Variants in WASHC2A observed in about 807,000 individuals in gnomAD.
The protein encoded by WASHC2A is WASH complex subunit 2A.
In WASHC2A, 82 loss-of-function variants were observed where a neutral mutation model predicts 140.3. The observed-to-expected ratio is 0.58, with a 90% CI of 0.49 to 0.70. The LOEUF (loss-of-function observed/expected upper bound fraction) is 0.70, where lower values mean the gene tolerates loss of function less well. WASHC2A is among the 30% of genes least tolerant of loss of function. The probability of loss-of-function intolerance (pLI) is 0.00; values close to 1 mark genes in which losing one functional copy is unlikely to be tolerated. For synonymous variants in WASHC2A, 340 were observed against 560.8 expected, an observed-to-expected ratio of 0.61 and a Z score of 5.56; for missense variants, 985 against 1,521.8, an observed-to-expected ratio of 0.65 and a Z score of 5.87.
At chr10:50,127,822 C>G (rs1322646417) in intron 28 of WASHC2A, 27 bp downstream of exon 28, 16 of 1,111,586 alleles carry the variant, frequency 1.4e-5, no homozygotes, top group Non-Finnish European at 2.1e-5. Context: ...TGCTTCCTTG[C>G]TCTCTTCTTT....
chr10:50,090,270 G>C (rs1448970525), intron 8 of WASHC2A, among the ~76,000 whole-genome samples: 1 of 149,716 alleles, frequency 6.7e-6, no homozygotes. Flanking sequence ...GGGAGGCTGA[G>C]GCGGGTGGAT....
chr10:50,109,238 G>A (rs1842055752), intron 19 of WASHC2A, among the ~76,000 whole-genome samples: 1 of 152,206 alleles, frequency 6.6e-6, no homozygotes, highest in South Asian at 2.1e-4. Flanking sequence ...GGAGTTCTTT[G>A]ATTTGAAGGG....
At position 50,095,713 on chromosome 10, in the gene WASHC2A, A is replaced by G. The variant is rs782137535; in HGVS notation, c.1355A>G (p.Asp452Gly). 2 of 1,601,204 alleles carry G rather than the reference A, an allele frequency of 1.2e-6. No homozygotes were observed. The highest frequency in any genetic ancestry group is 8.5e-7 in the Non-Finnish European group (1 of 1,173,114). ...GGTCCCCCTCCCACTGGCCTCTTTG[A>G]TGATGATGATGGTGATGATGATGAC... ...PYGPPPTGLF[D>G]DDDGDDDDDF... The change falls in exon 15 of 31, where the codon GAT (aspartate) becomes GGT (glycine). Residue 452 changes from aspartate (D) to glycine (G), a missense_variant. By Grantham distance (94) the Asp-to-Gly change is moderately conservative (BLOSUM62 -1). Transcript: ENST00000282633.
At chr10:50,101,586 G>A (rs1841183624) in intron 17 of WASHC2A, among the ~76,000 whole-genome samples, 1 of 152,260 alleles carries the variant, frequency 6.6e-6, no homozygotes, top group Non-Finnish European at 1.5e-5. Context: ...ACCAGTGCTT[G>A]GCATGTTGTA....
At chr10:50,100,209 G>A in intron 17 of WASHC2A, 145 bp downstream of exon 17, 1 of 1,474,880 alleles carries the variant, frequency 6.8e-7, no homozygotes, top group South Asian at 1.3e-5. Context: ...GAGGCCAGGA[G>A]TAGTGGTTCA....
chr10:50,070,063 G>C (rs190697191), intron 3 of WASHC2A, among the ~76,000 whole-genome samples: 3 of 152,250 alleles, frequency 2.0e-5, no homozygotes, highest in Admixed American at 2.0e-4. Flanking sequence ...CTGGACACCA[G>C]CATATGGTTT....
intron 16 of WASHC2A, among the ~76,000 whole-genome samples, chr10:50,098,337 G>T (rs1840704062): frequency 6.6e-6 from 1 of 151,776 alleles, no homozygotes; most frequent in South Asian, 2.1e-4. Flanking sequence ...TTCCTCTCTT[G>T]TCCCCAAAAT....
rs558568343 is a variant in WASHC2A at position 50,106,364 on chromosome 10, A to G, written c.1768A>G (p.Lys590Glu). The G allele has an allele frequency of 1.2e-6, 2 of 1,611,926 alleles. No individual in the cohort carries two copies. Among genetic ancestry groups the G allele is most frequent in the South Asian group, 2.2e-5 (2 of 90,984 alleles). ...DNLFGGTAAK[K>E]QTLCLQAQRE... ...TCTTTTTGGGGGTACAGCTGCTAAG[A>G]AGCAGACATTGTGTCTACAAGCTCA... Residue 590 changes from lysine to glutamate, a missense_variant, in exon 19 of 31, where the codon AAG (lysine) becomes GAG (glutamate). Transcript: ENST00000282633.
Position 50,133,316 on chromosome 10 carries a change from C to T in WASHC2A, c.*371C>T, listed in dbSNP as rs1241112903. ...GAAGTCTTTGTTATATGGATGGGAA[C>T]CCTAACTTAGGGCCTGGGCAGGGGA... On this transcript the variant is annotated 3_prime_UTR_variant, in exon 31 of 31. Transcript: ENST00000282633. The T allele has an allele frequency of 5.9e-6, 3 of 510,948 alleles. No homozygotes were observed. Among genetic ancestry groups the T allele is most frequent in the African/African-American group, 5.8e-5 (3 of 51,686 alleles). 31.7% of individuals were successfully genotyped at this position (510,948 alleles called of 1,614,324 possible).
chr10:50,103,367 G>A (rs1589231732), intron 17 of WASHC2A, among the ~76,000 whole-genome samples: 4 of 151,836 alleles, frequency 2.6e-5, no homozygotes, highest in African/African-American at 9.7e-5. Flanking sequence ...AGACCATCCT[G>A]GCTAACATGG....
At chr10:50,120,379 T>TA (rs1414763872) in intron 23 of WASHC2A, among the ~76,000 whole-genome samples, 5 of 145,832 alleles carry the variant, frequency 3.4e-5, no homozygotes, top group Non-Finnish European at 7.4e-5. Flanking sequence ...CCCAGCACTT[T>TA]AGGAGGCCAA....
intron 3 of WASHC2A, chr10:50,078,084 G>A (rs1589154712): frequency 1.5e-6 from 1 of 672,772 alleles, no homozygotes; most frequent in East Asian, 2.8e-5. Flanking sequence ...GTCTTTTCTG[G>A]AAAAGAGAGT....
rs1844118728 is a variant in WASHC2A, at chr10:50,132,986, T to C, written c.*41T>C. The C allele has an allele frequency of 6.2e-7, 1 of 1,611,760 alleles. No individual in the cohort carries two copies. The highest frequency in any genetic ancestry group is 1.3e-5 in the African/African-American group (1 of 74,868). ...CACATGTTACCCTGCAGCTACATTG[T>C]TGAGTTAGTGATGATGTTGTATATG... On this transcript the variant is annotated 3_prime_UTR_variant, in exon 31 of 31. Coordinates refer to ENST00000282633, the MANE Select transcript of WASHC2A (RefSeq NM_001005751.3).
intron 3 of WASHC2A, among the ~76,000 whole-genome samples, chr10:50,076,435 A>T (rs1469114788): frequency 5.9e-5 from 9 of 152,238 alleles, no homozygotes; most frequent in Admixed American, 2.0e-4. Context: ...AAATTTCAAG[A>T]AGTAGAATTT....
At position 50,093,306 on chromosome 10, in the gene WASHC2A, G is replaced by T. The variant is rs1554883535; in HGVS notation, c.1042G>T (p.Asp348Tyr). ...CTTATTCGCACCCCCCAAGCTGACC[G>T]ACGAGGACTTCTCGCCATTTGGCTC... ...DNLFAPPKLT[D>Y]EDFSPFGSGG... The change falls in exon 12 of 31, where the codon GAC becomes TAC. Residue 348 changes from aspartate (D) to tyrosine (Y), a missense_variant. Transcript: ENST00000282633. The T allele has an allele frequency of 2.8e-6, 4 of 1,433,938 alleles. No individual in the cohort carries two copies. In the South Asian group the frequency reaches 4.6e-5, roughly 17 times the overall value. The allele number at this position is 1,433,938 out of a possible 1,614,324, so 88.8% of individuals were successfully genotyped here. A position where few individuals can be genotyped will look rare whatever the true frequency, so the allele number is the denominator to read the frequency against.
intron 8 of WASHC2A, among the ~76,000 whole-genome samples, chr10:50,090,018 G>A (rs1454046265): frequency 1.3e-5 from 2 of 151,276 alleles, no homozygotes; most frequent in Non-Finnish European, 3.0e-5. Context: ...GCTGAGGCAG[G>A]AGAATGGCTT....
chr10:50,084,269 C>T, intron 6 of WASHC2A, 104 bp downstream of exon 6: 8 of 1,117,536 alleles, frequency 7.2e-6, no homozygotes, highest in Non-Finnish European at 8.9e-6. Context: ...AAAGAACTCT[C>T]ATATACCCTT....
At chr10:50,076,816 TAA>T (rs547485067) in intron 3 of WASHC2A, among the ~76,000 whole-genome samples, 33 of 116,474 alleles carry the variant, frequency 2.8e-4, no homozygotes, top group East Asian at 2.0e-3. Flanking sequence ...CCATCTCTAC[TAA>T]AAAAAAAAAA....
intron 5 of WASHC2A, among the ~76,000 whole-genome samples, chr10:50,083,333 T>A (rs2132457213): frequency 8.7e-6 from 1 of 114,774 alleles, no homozygotes; most frequent in Middle Eastern, 4.6e-3. Context: ...TATAGTTACA[T>A]TATGTCTCAT....
Sources: allele counts gnomAD v4.1 joint callset (sites outside exome capture counted in the v4.1 genomes callset), GRCh38; gene constraint gnomAD v4.1.1; transcripts MANE v1.5; gene names NCBI Gene and HGNC (gene_info 2026-07-23, HGNC 2026-07-21).